The following FBXL20 variants were observed in gnomAD, a reference collection of about 807,000 sequenced individuals.
FBXL20 encodes the protein F-box and leucine rich repeat protein 20.
In FBXL20, 11 loss-of-function variants were observed where a neutral mutation model predicts 64.0. The ratio of observed to expected loss-of-function variants is 0.17; its 90% CI spans 0.11 to 0.28. The LOEUF (loss-of-function observed/expected upper bound fraction) is 0.28, where lower values mean the gene tolerates loss of function less well. Ranked by LOEUF, FBXL20 falls within the 10% of genes least tolerant of loss-of-function variation. The probability of loss-of-function intolerance (pLI) is 1.00; values close to 1 mark genes in which losing one functional copy is unlikely to be tolerated. For missense variants in FBXL20, 303 were observed against 526.2 expected (o/e 0.58, Z 4.15); for synonymous variants, 184 against 189.0 (o/e 0.97, Z 0.22).
chr17:39,304,662 A>G (rs2047165708), intron 2 of FBXL20, among the ~76,000 whole-genome samples: 1 of 151,858 alleles, frequency 6.6e-6, no homozygotes, highest in Non-Finnish European at 1.5e-5. Flanking sequence ...TGCAGTCATC[A>G]TTCACTCCAG....
intron 1 of FBXL20, among the ~76,000 whole-genome samples, chr17:39,389,734 C>T (rs1027495693): frequency 3.3e-5 from 5 of 152,144 alleles, no homozygotes; most frequent in South Asian, 2.1e-4. Flanking sequence ...AGGAGGATGG[C>T]GTGAACCCAG....
chr17:39,313,762 A>T (rs2047258699), intron 2 of FBXL20, among the ~76,000 whole-genome samples: 1 of 152,058 alleles, frequency 6.6e-6, no homozygotes, highest in South Asian at 2.1e-4. Context: ...CAGCTTCCCG[A>T]GTAGCTGGGA....
At chr17:39,303,783 G>A in intron 2 of FBXL20, 144 bp from the exon 3 acceptor site, 1 of 585,192 alleles carries the variant, frequency 1.7e-6, no homozygotes, top group Non-Finnish European at 2.9e-6. Flanking sequence ...ACTTCCTGGG[G>A]TCAGGTGATC....
At chr17:39,367,173 G>A (rs1035446967) in intron 1 of FBXL20, among the ~76,000 whole-genome samples, 4 of 151,800 alleles carry the variant, frequency 2.6e-5, no homozygotes, top group Admixed American at 2.0e-4. Flanking sequence ...ATAAGCCACC[G>A]CGCCCAGCCT....
intron 1 of FBXL20, among the ~76,000 whole-genome samples, chr17:39,373,724 C>A (rs763073088): frequency 4.6e-5 from 7 of 152,138 alleles, no homozygotes; most frequent in Non-Finnish European, 8.8e-5. Context: ...TTTTGTCTAG[C>A]CTACTAGGCT....
intron 1 of FBXL20, among the ~76,000 whole-genome samples, chr17:39,362,991 T>G (rs1324888511): frequency 6.6e-6 from 1 of 151,628 alleles, no homozygotes; most frequent in Non-Finnish European, 1.5e-5. Flanking sequence ...CTTTCCTACA[T>G]TTTATTTATT....
chr17:39,355,439 T>C (rs550291721), intron 1 of FBXL20, among the ~76,000 whole-genome samples: 2 of 152,354 alleles, frequency 1.3e-5, no homozygotes, highest in South Asian at 4.1e-4. Flanking sequence ...TTGCAAATAC[T>C]TTCTCCCATG....
rs1297572640 is a variant in FBXL20 at position 39,370,434 on chromosome 17, G to A, written c.43-27193C>T. Among the ~76,000 whole-genome samples, 3 of 151,120 alleles carry A rather than the reference G, an allele frequency of 2.0e-5. No individual in the cohort carries two copies. In the Admixed American group the frequency reaches 2.0e-4, roughly 10 times the overall value. On this transcript the variant is annotated intron_variant, in intron 1 of 14. Transcript: ENST00000264658. ...GAACCCGGGAGGCGGAGTTTGCAGT[G>A]AGCCAAGATCAAGCCACTACATTCC...
chr17:39,399,552 A>T (rs2048220422), intron 1 of FBXL20, among the ~76,000 whole-genome samples: 1 of 152,212 alleles, frequency 6.6e-6, no homozygotes, highest in Admixed American at 6.5e-5. Flanking sequence ...CATCATATTA[A>T]GTGAATAGCT....
chr17:39,383,069 C>G (rs146235824), intron 1 of FBXL20, among the ~76,000 whole-genome samples: 1 of 148,026 alleles, frequency 6.8e-6, no homozygotes, highest in Non-Finnish European at 1.5e-5. Flanking sequence ...AGGCTCAGGT[C>G]GGAGAATCTC....
At chr17:39,336,110 G>A (rs908837629) in intron 2 of FBXL20, among the ~76,000 whole-genome samples, 1 of 151,684 alleles carries the variant, frequency 6.6e-6, no homozygotes, top group Non-Finnish European at 1.5e-5. Flanking sequence ...GTGAGAGCCT[G>A]TCAGAGGGGG....
At chr17:39,377,950 C>T (rs1443268410) in intron 1 of FBXL20, among the ~76,000 whole-genome samples, 1 of 152,064 alleles carries the variant, frequency 6.6e-6, no homozygotes, top group Non-Finnish European at 1.5e-5. Flanking sequence ...GAGTTTGACG[C>T]TTCAGTGAAC....
At chr17:39,318,552 C>T (rs1477738409) in intron 2 of FBXL20, among the ~76,000 whole-genome samples, 4 of 152,076 alleles carry the variant, frequency 2.6e-5, no homozygotes, top group Non-Finnish European at 4.4e-5. Context: ...ACCAGCCTGA[C>T]GAACATGGAG....
At chr17:39,261,680 G>A (rs1435205032) in intron 14 of FBXL20, 113 bp from the exon 15 acceptor site, 10 of 732,146 alleles carry the variant, frequency 1.4e-5, no homozygotes, top group Non-Finnish European at 4.6e-6. Flanking sequence ...CAGGGCAAAG[G>A]CTGAGCACTG....
At chr17:39,286,411 T>C (rs2046988367) in intron 6 of FBXL20, among the ~76,000 whole-genome samples, 1 of 152,074 alleles carries the variant, frequency 6.6e-6, no homozygotes, top group South Asian at 2.1e-4. Flanking sequence ...GATGGGGTTT[T>C]GCCATGTTAG....
intron 1 of FBXL20, among the ~76,000 whole-genome samples, chr17:39,363,016 T>C (rs2047813896): frequency 1.3e-5 from 2 of 152,024 alleles, no homozygotes; most frequent in South Asian, 4.2e-4. Context: ...CATTTATTTA[T>C]TTGAGACAGT....
intron 6 of FBXL20, among the ~76,000 whole-genome samples, chr17:39,289,014 G>A (rs1486837341): frequency 6.6e-6 from 1 of 152,026 alleles, no homozygotes; most frequent in African/African-American, 2.4e-5. Context: ...AAGCATAAAG[G>A]TTTTTAATTT....
At position 39,256,535 on chromosome 17, in the gene FBXL20, G is replaced by A. The variant is rs1045163430; in HGVS notation, c.*4925C>T. 2 of 152,062 alleles carry A rather than the reference G, an allele frequency of 1.3e-5. No individual in the cohort carries two copies. Among genetic ancestry groups the A allele is most frequent in the Non-Finnish European group, 2.9e-5 (2 of 68,002 alleles). 9.4% of individuals were successfully genotyped at this position (152,062 alleles called of 1,614,324 possible). On this transcript the variant is annotated 3_prime_UTR_variant, in exon 15 of 15. Transcript: ENST00000264658. ...GGGTTTGAGGTGGCTAAAGATTCTAGGATTGGCAGGCAGATAGAGAGGCAA... is the reference window on the plus strand; with the variant it reads ...GGGTTTGAGGTGGCTAAAGATTCTAAGATTGGCAGGCAGATAGAGAGGCAA...
chr17:39,357,634 A>G (rs2144606536), intron 1 of FBXL20, among the ~76,000 whole-genome samples: 1 of 152,288 alleles, frequency 6.6e-6, no homozygotes, highest in Admixed American at 6.5e-5. Context: ...GCAACCTCCA[A>G]CTTCTGGGGC....
Sources: gnomAD v4.1 joint callset for allele counts (sites outside exome capture counted in the v4.1 genomes callset) on GRCh38, gnomAD v4.1.1 for gene constraint, MANE v1.5 for transcripts, NCBI Gene and HGNC (gene_info 2026-07-23, HGNC 2026-07-21) for gene names.